The following ZRANB3 variants were observed in gnomAD, a reference collection of about 807,000 sequenced individuals.
ZRANB3 encodes the protein DNA annealing helicase and endonuclease ZRANB3.
Under a neutral mutation model 133.8 loss-of-function variants are expected in ZRANB3, and 125 were observed. That is an observed-to-expected ratio of 0.93 (90% CI 0.81 to 1.08). The LOEUF (loss-of-function observed/expected upper bound fraction) is 1.08. Ranked by LOEUF, ZRANB3 falls within the 50% of genes least tolerant of loss-of-function variation. The probability of loss-of-function intolerance (pLI) is 0.00; values close to 1 mark genes in which losing one functional copy is unlikely to be tolerated. For missense variants in ZRANB3, 1,229 were observed against 1,275.5 expected (o/e 0.96, Z 0.56); for synonymous variants, 387 against 432.7 (o/e 0.89, Z 1.31).
intron 15 of ZRANB3, among the ~76,000 whole-genome samples, chr2:135,222,715 TA>T (rs987980579): frequency 6.6e-4 from 101 of 152,110 alleles, no homozygotes; most frequent in African/African-American, 2.0e-3. Context: ...TCTCACTAAA[TA>T]TTTTTTTGAC....
rs987293016 is a variant in ZRANB3, at chr2:135,271,880, T to C, written c.1094A>G (p.Tyr365Cys). ...TEAVIENKTR[Y>C]IRIDGSVSSS... ...TGAAACACTTCCATCTATCCTAATG[T>C]AACGAGTCTAGCATCAACAAGGAAA... Residue 365 changes from tyrosine to cysteine, a missense_variant, in exon 10 of 21, where the codon TAC becomes TGC. By Grantham distance (194) the Tyr-to-Cys change is radical (BLOSUM62 -2). Transcript: ENST00000264159. 5 of 1,611,856 alleles carry C rather than the reference T, an allele frequency of 3.1e-6. No homozygotes were observed. The highest frequency in any genetic ancestry group is 4.2e-6 in the Non-Finnish European group (5 of 1,179,200).
At chr2:135,334,768 G>A (rs1005729155) in intron 6 of ZRANB3, among the ~76,000 whole-genome samples, 8 of 147,368 alleles carry the variant, frequency 5.4e-5, no homozygotes, top group South Asian at 2.2e-4. Flanking sequence ...GGTGGCGCGC[G>A]CCTGTAGTCC....
intron 12 of ZRANB3, among the ~76,000 whole-genome samples, chr2:135,239,409 TA>T (rs1459438501): frequency 6.5e-5 from 2 of 30,994 alleles, no homozygotes; most frequent in African/African-American, 3.0e-4. Context: ...TACCACAGTA[TA>T]AAAAATCAAA....
chr2:135,391,314 C>T (rs1279995696), intron 2 of ZRANB3, among the ~76,000 whole-genome samples: 2 of 152,122 alleles, frequency 1.3e-5, no homozygotes, highest in East Asian at 1.9e-4. Flanking sequence ...CATATGGCTA[C>T]GTGGGAGTGT....
At chr2:135,286,803 G>T (rs182242753) in intron 8 of ZRANB3, among the ~76,000 whole-genome samples, 6 of 152,110 alleles carry the variant, frequency 3.9e-5, no homozygotes, top group Admixed American at 1.3e-4. Context: ...TGAGTTCCTT[G>T]TAGATTCTGG....
chr2:135,312,636 A>G (rs1683052445), intron 8 of ZRANB3, among the ~76,000 whole-genome samples: 1 of 152,192 alleles, frequency 6.6e-6, no homozygotes, highest in Admixed American at 6.5e-5. Context: ...GGTACTGAAC[A>G]TGGAATATCA....
intron 2 of ZRANB3, among the ~76,000 whole-genome samples, chr2:135,482,385 A>G (rs1418673459): frequency 2.1e-5 from 3 of 146,202 alleles, no homozygotes; most frequent in Non-Finnish European, 4.4e-5. Context: ...GCAATTGTGA[A>G]TGGGAGTTCA....
chr2:135,344,713 C>T (rs553826006), intron 6 of ZRANB3, among the ~76,000 whole-genome samples: 1 of 152,128 alleles, frequency 6.6e-6, no homozygotes, highest in East Asian at 1.9e-4. Flanking sequence ...CTCCATCCAG[C>T]CTGGGTAACG....
intron 3 of ZRANB3, among the ~76,000 whole-genome samples, chr2:135,389,508 C>T (rs1687127932): frequency 6.6e-6 from 1 of 152,086 alleles, no homozygotes; most frequent in African/African-American, 2.4e-5. Flanking sequence ...AGACGGAAAA[C>T]ACCTTGGCCA....
rs559189350 is a variant in ZRANB3, at chr2:135,329,091, T to C, written c.678-13561A>G. On this transcript the variant is annotated intron_variant, in intron 6 of 20. Coordinates refer to ENST00000264159, the MANE Select transcript of ZRANB3 (RefSeq NM_032143.4). ...AGATCCCATTTGTCTATTTTGGCTTTTGTTGCCATTGCTTTTGGTGTTTTA... is the reference window on the plus strand; with the variant it reads ...AGATCCCATTTGTCTATTTTGGCTTCTGTTGCCATTGCTTTTGGTGTTTTA... Among the ~76,000 whole-genome samples, 10 of 152,360 alleles carry C rather than the reference T, an allele frequency of 6.6e-5. No individual in the cohort carries two copies. In the South Asian group the frequency reaches 1.0e-3, roughly 16 times the overall value.
chr2:135,302,601 C>T (rs1345135662), intron 8 of ZRANB3, among the ~76,000 whole-genome samples: 1 of 151,506 alleles, frequency 6.6e-6, no homozygotes, highest in Admixed American at 6.6e-5. Context: ...TCTTAGCTCA[C>T]TACAACCTCC....
chr2:135,265,876 C>T (rs374954801), intron 11 of ZRANB3, among the ~76,000 whole-genome samples, 190 bp from the exon 12 acceptor site: 1 of 152,178 alleles, frequency 6.6e-6, no homozygotes, highest in African/African-American at 2.4e-5. Context: ...TCCCAACCAA[C>T]TTAATGGATT....
At chr2:135,340,846 A>T (rs977504246) in intron 6 of ZRANB3, among the ~76,000 whole-genome samples, 1 of 141,626 alleles carries the variant, frequency 7.1e-6, no homozygotes, top group African/African-American at 3.2e-5. Flanking sequence ...ACAGAGTGAG[A>T]TTCCGTCTCA....
At chr2:135,443,028 A>C (rs1689851796) in intron 2 of ZRANB3, among the ~76,000 whole-genome samples, 2 of 152,052 alleles carry the variant, frequency 1.3e-5, no homozygotes, top group South Asian at 4.2e-4. Flanking sequence ...AGGCAAAAGA[A>C]TGGCGTGAAT....
chr2:135,490,485 T>C (rs531283701), intron 2 of ZRANB3, among the ~76,000 whole-genome samples: 109 of 151,964 alleles, frequency 7.2e-4, no homozygotes, highest in African/African-American at 2.4e-3. Context: ...ATTGCTTTTA[T>C]CAAAAAAAAT....
chr2:135,417,504 C>T (rs1688642390), intron 2 of ZRANB3, among the ~76,000 whole-genome samples: 1 of 152,182 alleles, frequency 6.6e-6, no homozygotes, highest in East Asian at 1.9e-4. Context: ...CACTTTTACA[C>T]TGTTGGTGGG....
At chr2:135,253,578 G>A (rs989678436) in intron 12 of ZRANB3, among the ~76,000 whole-genome samples, 1 of 152,044 alleles carries the variant, frequency 6.6e-6, no homozygotes, top group Non-Finnish European at 1.5e-5. Context: ...TAGACTACCT[G>A]GTATAGCCTG....
chr2:135,215,106 T>C (rs1364164307), intron 17 of ZRANB3, among the ~76,000 whole-genome samples: 3 of 151,704 alleles, frequency 2.0e-5, no homozygotes, highest in Non-Finnish European at 4.4e-5. Flanking sequence ...TTTGTGGAGA[T>C]ACAGTCTCGC....
Position 135,291,600 on chromosome 2 carries a change from T to G in ZRANB3, c.967-15845A>C, listed in dbSNP as rs573088306. Among the ~76,000 whole-genome samples the G allele has an allele frequency of 2.0e-4, 31 of 151,868 alleles. No individual in the cohort carries two copies. In the South Asian group the frequency reaches 6.2e-3, roughly 31 times the overall value. ...TTTATTTTATTTTATTTTTTTAATT[T>G]TATTATTATTATACTTTAAGTTTTA... On this transcript the variant is annotated intron_variant, in intron 8 of 20. Coordinates refer to ENST00000264159, the MANE Select transcript of ZRANB3 (RefSeq NM_032143.4).
Sources: gnomAD v4.1 joint callset for allele counts (sites outside exome capture counted in the v4.1 genomes callset) on GRCh38, gnomAD v4.1.1 for gene constraint, MANE v1.5 for transcripts, NCBI Gene and HGNC (gene_info 2026-07-23, HGNC 2026-07-21) for gene names.